The following PRKG1 variants were observed in gnomAD, a reference collection of about 807,000 sequenced individuals.
PRKG1 encodes the protein protein kinase cGMP-dependent 1.
In PRKG1, 35 loss-of-function variants were observed where a neutral mutation model predicts 88.1. The ratio of observed to expected loss-of-function variants is 0.40; its 90% confidence interval spans 0.30 to 0.53. PRKG1 has a LOEUF of 0.53. PRKG1 is among the 20% of genes least tolerant of loss of function. The probability of loss-of-function intolerance (pLI) is 0.59; values close to 1 mark genes in which losing one functional copy is unlikely to be tolerated. For missense variants in PRKG1, 540 were observed against 839.8 expected, an observed-to-expected ratio of 0.64 and a Z score of 4.41; for synonymous variants, 303 against 292.5, an observed-to-expected ratio of 1.04 and a Z score of -0.37.
intron 2 of PRKG1, among the ~76,000 whole-genome samples, chr10:51,412,901 A>T (rs924342621): frequency 6.6e-6 from 1 of 152,134 alleles, no homozygotes; most frequent in Non-Finnish European, 1.5e-5. Flanking sequence ...TAGAGGGAGA[A>T]AGGTTGAGAC....
rs56049116 is a variant in PRKG1, at chr10:52,052,827, A to G, written c.763-1657A>G. ...TATGAAAGCTACAATTTAAGATGAG[A>G]TTTGAGGTGAGAGGATCACTTGAGC... On this transcript the variant is annotated intron_variant, in intron 5 of 17. Coordinates refer to ENST00000373980, the MANE Select transcript of PRKG1 (RefSeq NM_006258.4). 6.1e-3 allele frequency among the ~76,000 whole-genome samples: 926 copies of G among 152,028 alleles called. 14 individuals are homozygous for G. Among genetic ancestry groups the G allele is most frequent in the African/African-American group, 0.022 (897 of 41,476 alleles).
chr10:51,436,272 G>C (rs1366440521), intron 2 of PRKG1, among the ~76,000 whole-genome samples: 2 of 151,632 alleles, frequency 1.3e-5, no homozygotes, highest in Non-Finnish European at 2.9e-5. Flanking sequence ...ACCTGTGAAA[G>C]GGCAAGCGTA....
intron 9 of PRKG1, among the ~76,000 whole-genome samples, chr10:52,201,956 A>G (rs1282507025): frequency 6.6e-6 from 1 of 152,120 alleles, no homozygotes; most frequent in South Asian, 2.1e-4. Flanking sequence ...GCTTTCAGGT[A>G]GAGACTATGA....
intron 3 of PRKG1, among the ~76,000 whole-genome samples, chr10:51,508,818 C>T (rs1015386346): frequency 6.6e-6 from 1 of 152,106 alleles, no homozygotes; most frequent in African/African-American, 2.4e-5. Flanking sequence ...ATTTAATCTA[C>T]CTTGTATAAA....
chr10:52,271,582 T>G (rs1841731927), intron 11 of PRKG1, 93 bp downstream of exon 11: 5 of 1,327,960 alleles, frequency 3.8e-6, no homozygotes, highest in South Asian at 3.6e-5. Flanking sequence ...GTTAACACAT[T>G]TCGTATGCAC....
At chr10:51,663,259 C>T (rs1444880252) in intron 3 of PRKG1, among the ~76,000 whole-genome samples, 1 of 152,066 alleles carries the variant, frequency 6.6e-6, no homozygotes, top group Non-Finnish European at 1.5e-5. Context: ...ATGTTTTTAG[C>T]TTGAGCAACG....
chr10:51,413,671 T>TA (rs1404896724), intron 2 of PRKG1, among the ~76,000 whole-genome samples: 3 of 152,064 alleles, frequency 2.0e-5, no homozygotes, highest in African/African-American at 4.8e-5. Flanking sequence ...AAAAAGTTTT[T>TA]AAAAAAATAC....
At chr10:51,485,730 C>A (rs1162110377) in intron 3 of PRKG1, among the ~76,000 whole-genome samples, 1 of 152,096 alleles carries the variant, frequency 6.6e-6, no homozygotes, top group Non-Finnish European at 1.5e-5. Context: ...TGGCAAAAAG[C>A]TTCTTTGGAA....
At chr10:51,063,457 T>C (rs1843714371) in intron 1 of PRKG1, among the ~76,000 whole-genome samples, 3 of 152,200 alleles carry the variant, frequency 2.0e-5, no homozygotes, top group African/African-American at 7.2e-5. Context: ...AACATGATGG[T>C]ATTTGTGTAT....
chr10:51,874,359 A>G (rs1841237311), intron 4 of PRKG1, among the ~76,000 whole-genome samples: 2 of 152,208 alleles, frequency 1.3e-5, no homozygotes, highest in African/African-American at 2.4e-5. Context: ...GAAAACGTAA[A>G]AGTTAGATAA....
At chr10:51,312,849 C>T (rs1841226367) in intron 2 of PRKG1, among the ~76,000 whole-genome samples, 1 of 152,106 alleles carries the variant, frequency 6.6e-6, no homozygotes, top group African/African-American at 2.4e-5. Flanking sequence ...TTTGGTAGGA[C>T]ATATTGCCAA....
intron 3 of PRKG1, among the ~76,000 whole-genome samples, chr10:51,760,766 C>T (rs1448169695): frequency 1.3e-5 from 2 of 152,086 alleles, no homozygotes; most frequent in Non-Finnish European, 2.9e-5. Context: ...GCCACCTTGC[C>T]TGGCCAGAAC....
chr10:51,233,030 T>C (rs1157320898), intron 2 of PRKG1, among the ~76,000 whole-genome samples: 1 of 152,128 alleles, frequency 6.6e-6, no homozygotes, highest in African/African-American at 2.4e-5. Flanking sequence ...TGCAGTGCAG[T>C]GTACAAAATG....
chr10:51,968,705 C>A (rs1056824769), intron 5 of PRKG1, among the ~76,000 whole-genome samples: 1 of 151,376 alleles, frequency 6.6e-6, no homozygotes, highest in Admixed American at 6.6e-5. Context: ...TGCTTATAAT[C>A]CCAGCTACTC....
At chr10:51,689,198 C>A (rs916169443) in intron 3 of PRKG1, among the ~76,000 whole-genome samples, 1 of 152,046 alleles carries the variant, frequency 6.6e-6, no homozygotes, top group South Asian at 2.1e-4. Flanking sequence ...TGAAAACAGA[C>A]TAATACACCA....
chr10:51,895,754 T>A (rs533746312), intron 4 of PRKG1, among the ~76,000 whole-genome samples: 3 of 152,010 alleles, frequency 2.0e-5, no homozygotes, highest in African/African-American at 7.2e-5. Context: ...ATAAGGTGCT[T>A]CTTATGTATT....
At chr10:51,123,238 T>G (rs1303113154) in intron 1 of PRKG1, among the ~76,000 whole-genome samples, 1 of 152,188 alleles carries the variant, frequency 6.6e-6, no homozygotes, top group Non-Finnish European at 1.5e-5. Flanking sequence ...ATCCTAACAT[T>G]TTACAACAGT....
chr10:51,787,407 G>C (rs1377199412), intron 3 of PRKG1, among the ~76,000 whole-genome samples: 1 of 152,078 alleles, frequency 6.6e-6, no homozygotes, highest in Admixed American at 6.6e-5. Flanking sequence ...TCTAGTCTAA[G>C]CAACAATGTA....
At chr10:52,262,820 T>A (rs1335527191) in intron 10 of PRKG1, among the ~76,000 whole-genome samples, 1 of 152,120 alleles carries the variant, frequency 6.6e-6, no homozygotes, top group East Asian at 1.9e-4. Context: ...ATATTTTAAA[T>A]CATCTCTAGT....
Sources: gnomAD v4.1 joint callset for allele counts (sites outside exome capture counted in the v4.1 genomes callset) on GRCh38, gnomAD v4.1.1 for gene constraint, MANE v1.5 for transcripts, NCBI Gene and HGNC (gene_info 2026-07-23, HGNC 2026-07-21) for gene names.